The following MYH10 variants were observed in gnomAD, a reference collection of about 807,000 sequenced individuals.
MYH10 encodes myosin heavy chain 10.
Under a neutral mutation model 257.8 loss-of-function variants are expected in MYH10, and 55 were observed. The observed-to-expected ratio is 0.21, with a 90% confidence interval of 0.17 to 0.27. MYH10 has a LOEUF of 0.27. Among genes scored for constraint, MYH10 ranks in the 10% least tolerant of loss-of-function variants. MYH10 has a pLI of 1.00. For missense variants in MYH10, 1,631 were observed against 2,500.6 expected (o/e 0.65, Z 7.42); for synonymous variants, 854 against 921.7 (o/e 0.93, Z 1.33).
chr17:8,590,827 T>C (rs2084100746), intron 3 of MYH10, among the ~76,000 whole-genome samples: 1 of 148,830 alleles, frequency 6.7e-6, no homozygotes. Flanking sequence ...TCACCTCCTC[T>C]AGGAATACCT....
chr17:8,560,577 C>CT (rs1278605138), intron 7 of MYH10: 1 of 835,560 alleles, frequency 1.2e-6, no homozygotes, highest in Non-Finnish European at 1.9e-6. Flanking sequence ...CAGTGGAAAA[C>CT]TTTCGTGCAC....
chr17:8,566,735 G>A (rs2083178398), intron 7 of MYH10, among the ~76,000 whole-genome samples: 2 of 152,188 alleles, frequency 1.3e-5, no homozygotes, highest in Admixed American at 1.3e-4. Flanking sequence ...AAGCCACCAG[G>A]TTTTAGGATC....
At chr17:8,562,852 T>A (rs907112955) in intron 7 of MYH10, among the ~76,000 whole-genome samples, 3 of 152,228 alleles carry the variant, frequency 2.0e-5, no homozygotes, top group Non-Finnish European at 4.4e-5. Flanking sequence ...GATATTTTCA[T>A]ACCCTGAAGA....
intron 16 of MYH10, among the ~76,000 whole-genome samples, chr17:8,532,021 T>C (rs1269859355): frequency 2.0e-5 from 3 of 152,174 alleles, no homozygotes; most frequent in African/African-American, 7.2e-5. Context: ...ACTGCTTCTC[T>C]GCCTGCTCCT....
intron 14 of MYH10, among the ~76,000 whole-genome samples, chr17:8,537,567 G>T (rs1329399839): frequency 6.6e-6 from 1 of 152,162 alleles, no homozygotes; most frequent in African/African-American, 2.4e-5. Context: ...CACTTTAGAG[G>T]AGCTCAGAGT....
At position 8,475,409 on chromosome 17, in the gene MYH10, C is replaced by T. The variant is rs895135814; in HGVS notation, c.*395G>A. 5.7e-6 allele frequency: 1 copy of T among 174,804 alleles called. No individual in the cohort carries two copies. Among genetic ancestry groups the T allele is most frequent in the African/African-American group, 2.4e-5 (1 of 42,006 alleles). 10.8% of individuals were successfully genotyped at this position (174,804 alleles called of 1,614,324 possible). ...GCCACGTGAACACAGAACTAGGTTACCTGTCTGTATGACAGAGAGCATGCA... is the reference window on the plus strand; with the variant it reads ...GCCACGTGAACACAGAACTAGGTTATCTGTCTGTATGACAGAGAGCATGCA... On this transcript the variant is annotated 3_prime_UTR_variant, in exon 43 of 43. Coordinates refer to ENST00000360416, the MANE Select transcript of MYH10 (RefSeq NM_001256012.3).
In MYH10 at chr17:8,492,301, T is replaced by C; in HGVS notation, c.4667A>G (p.Lys1556Arg). 2 of 1,612,412 alleles carry C rather than the reference T, an allele frequency of 1.2e-6. No individual in the cohort carries two copies. The highest frequency in any genetic ancestry group is 1.7e-6 in the Non-Finnish European group (2 of 1,179,918). The change falls in exon 34 of 43, where the codon AAA becomes AGA. Residue 1556 changes from lysine to arginine, a missense_variant. By Grantham distance (26) the Lys-to-Arg change is conservative. Around this residue, in one of 11 missense-constraint regions of MYH10, gnomAD observed 463 missense variants for 621.8 expected, o/e 0.74. Coordinates refer to ENST00000360416, the MANE Select transcript of MYH10 (RefSeq NM_001256012.3). Reference protein sequence around the residue: ...DLMSSKDDVGKNVHELEKSKR... With the variant: ...DLMSSKDDVGRNVHELEKSKR... ...GGAGCCCACCAGGCGACTTACGTTT[T>C]TTCCCACATCATCTTTGGAGCTCAT...
rs189347808 is a variant in MYH10, at chr17:8,585,183, G to A, written c.530+3898C>T. Among the ~76,000 whole-genome samples, 10 of 123,638 alleles carry A rather than the reference G, an allele frequency of 8.1e-5. No individual in the cohort carries two copies. In the East Asian group the frequency reaches 2.4e-3, roughly 30 times the overall value. The allele number at this position is 123,638 out of a possible 152,430, so 81.1% of individuals were successfully genotyped here. Reference sequence around the variant, plus strand: ...TCGTACTACATATATATATGTGTGTGTGTGTGTATATTATATATATATATG... The same window carrying A: ...TCGTACTACATATATATATGTGTGTATGTGTGTATATTATATATATATATG... On this transcript the variant is annotated intron_variant, in intron 4 of 42. Coordinates refer to ENST00000360416, the MANE Select transcript of MYH10 (RefSeq NM_001256012.3).
In MYH10 at chr17:8,484,094, G is replaced by C. The variant is rs777056284; in HGVS notation, c.5175+44C>G. 4 of 1,474,498 alleles carry C rather than the reference G, an allele frequency of 2.7e-6. No individual in the cohort carries two copies. The East Asian group carries it at 9.9e-5, about 37-fold the overall frequency. The allele number at this position is 1,474,498 out of a possible 1,614,324, so 91.3% of individuals were successfully genotyped here. On this transcript the variant is annotated intron_variant, in intron 37 of 42. Coordinates refer to ENST00000360416, the MANE Select transcript of MYH10 (RefSeq NM_001256012.3). ...TTTTTTGATCTTGGAGAAATTTCAAGGGCAAATATATTTGTTGAACAAATG... is the reference window on the plus strand; with the variant it reads ...TTTTTTGATCTTGGAGAAATTTCAACGGCAAATATATTTGTTGAACAAATG...
rs1185979742 is a variant in MYH10, at chr17:8,493,886, CTG to C, written c.4057-3_4057-2del. On this transcript the variant is annotated splice_acceptor_variant and splice_polypyrimidine_tract_variant and intron_variant, in intron 31 of 42. Coordinates refer to ENST00000360416, the MANE Select transcript of MYH10 (RefSeq NM_001256012.3). LOFTEE classifies it high-confidence loss of function. ...GGCGTGTCTCCTCCTGAAGAAGCTC[CTG>C]TGTTTTTTTTTTAAAGGGCAACACT... 1.3e-6 allele frequency: 2 copies of C among 1,592,550 alleles called. No homozygotes were observed. The highest frequency in any genetic ancestry group is 1.8e-5 in the Admixed American group (1 of 54,242).
chr17:8,613,568 G>C (rs1016174371), intron 2 of MYH10, among the ~76,000 whole-genome samples: 5 of 152,028 alleles, frequency 3.3e-5, no homozygotes, highest in African/African-American at 9.7e-5. Flanking sequence ...TAAAAGAATA[G>C]CTAAGCAAAT....
chr17:8,532,796 C>T (rs1459027799), intron 16 of MYH10, among the ~76,000 whole-genome samples: 2 of 152,178 alleles, frequency 1.3e-5, no homozygotes, highest in African/African-American at 4.8e-5. Context: ...CTCATTGCTT[C>T]CAGATCTAGC....
chr17:8,508,796 C>A, intron 25 of MYH10, 119 bp from the exon 26 acceptor site: 1 of 1,156,864 alleles, frequency 8.6e-7, no homozygotes. Flanking sequence ...GCACTGCCTC[C>A]CCCAGCAGAC....
At chr17:8,493,936 CA>C (rs760778727) in intron 31 of MYH10, 51 bp from the exon 32 acceptor site, 118 of 1,557,044 alleles carry the variant, frequency 7.6e-5, no homozygotes, top group Non-Finnish European at 9.8e-5. Context: ...ATCACCAAAA[CA>C]AATACACCTG....
chr17:8,476,016 A>G, intron 42 of MYH10, 68 bp from the exon 43 acceptor site: 1 of 1,529,008 alleles, frequency 6.5e-7, no homozygotes, highest in Non-Finnish European at 8.8e-7. Flanking sequence ...AATATGTTCA[A>G]CCACTCAATG....
chr17:8,494,269 T>A (rs111805681), intron 31 of MYH10, among the ~76,000 whole-genome samples: 151 of 152,292 alleles, frequency 9.9e-4, no homozygotes, highest in African/African-American at 3.2e-3. Flanking sequence ...CGAACTAGGA[T>A]CACCTCTCCC....
intron 1 of MYH10, 124 bp from the exon 2 acceptor site, chr17:8,623,401 T>A: frequency 1.1e-6 from 1 of 918,028 alleles, no homozygotes; most frequent in Non-Finnish European, 1.5e-6. Context: ...AGCTGGGGTA[T>A]ACCTCTTCAC....
intron 9 of MYH10, 81 bp downstream of exon 9, chr17:8,551,965 T>G (rs1443620190): frequency 8.2e-6 from 6 of 730,658 alleles, no homozygotes; most frequent in Non-Finnish European, 1.2e-5. Context: ...AAAAACTGTT[T>G]CCCAAAATTG....
chr17:8,581,719 C>A (rs919981478), intron 4 of MYH10, among the ~76,000 whole-genome samples: 2 of 152,194 alleles, frequency 1.3e-5, no homozygotes, highest in African/African-American at 4.8e-5. Context: ...AGAAAAAATA[C>A]AGCTCAACTA....
Sources: gnomAD v4.1 joint callset for allele counts (sites outside exome capture counted in the v4.1 genomes callset) on GRCh38, gnomAD v4.1.1 for gene constraint, gnomAD v4.1.1 regional missense constraint, MANE v1.5 for transcripts, NCBI Gene and HGNC (gene_info 2026-07-23, HGNC 2026-07-21) for gene names.